Variants in PLCXD3 observed in about 807,000 individuals in gnomAD.
PLCXD3 encodes the protein PI-PLC X domain-containing protein 3.
A neutral mutation model predicts 25.5 loss-of-function variants in PLCXD3; 19 were observed. The ratio of observed to expected loss-of-function variants is 0.75; its 90% CI spans 0.52 to 1.09. PLCXD3 has a LOEUF of 1.09. PLCXD3 is among the 50% of genes least tolerant of loss of function. The probability of loss-of-function intolerance (pLI) is 0.00; values close to 1 mark genes in which losing one functional copy is unlikely to be tolerated. For missense variants in PLCXD3, 411 were observed against 388.1 expected (o/e 1.06, Z -0.50); for synonymous variants, 174 against 137.6 (o/e 1.26, Z -1.85).
intron 1 of PLCXD3, among the ~76,000 whole-genome samples, chr5:41,396,216 G>A (rs1306403879): frequency 6.6e-6 from 1 of 152,174 alleles, no homozygotes; most frequent in African/African-American, 2.4e-5. Context: ...AACTTGGTGG[G>A]AGGTGATTAG....
chr5:41,474,060 G>A (rs747648687), intron 1 of PLCXD3, among the ~76,000 whole-genome samples: 6 of 152,100 alleles, frequency 3.9e-5, no homozygotes, highest in Admixed American at 6.5e-5. Flanking sequence ...TGAGACCATC[G>A]TTACGAGACT....
At chr5:41,384,835 T>C (rs910058201) in intron 1 of PLCXD3, among the ~76,000 whole-genome samples, 8 of 152,008 alleles carry the variant, frequency 5.3e-5, no homozygotes, top group African/African-American at 1.9e-4. Context: ...AAAATAAAAA[T>C]AGGCAGAAGG....
rs1361914156 is a variant in PLCXD3 at position 41,382,441 on chromosome 5, C to T, written c.197G>A (p.Gly66Glu). The T allele has an allele frequency of 2.5e-6, 4 of 1,613,276 alleles. No homozygotes were observed. The highest frequency in any genetic ancestry group is 2.5e-6 in the Non-Finnish European group (3 of 1,179,706). Residue 66 changes from glycine (G) to glutamate (E), a missense_variant, in exon 2 of 3, where the codon GGA becomes GAA. Transcript: ENST00000377801. ...ETVQNFVSVF[G>E]TVAKKLMRKW... The stretch of plus-strand genomic sequence containing the variant: ...CCGCATGAGCTTTTTGGCCACAGTT[C>T]CAAACACAGAGACAAAATTCTGGAC...
chr5:41,450,908 G>GA (rs1220417923), intron 1 of PLCXD3, among the ~76,000 whole-genome samples: 1 of 151,958 alleles, frequency 6.6e-6, no homozygotes, highest in Non-Finnish European at 1.5e-5. Context: ...AATGGAAGCA[G>GA]AAAAAAAGGA....
At chr5:41,351,960 G>A (rs1744474798) in intron 2 of PLCXD3, among the ~76,000 whole-genome samples, 1 of 152,160 alleles carries the variant, frequency 6.6e-6, no homozygotes, top group Non-Finnish European at 1.5e-5. Context: ...TAATTGCAAT[G>A]TTCTGGCAAG....
intron 1 of PLCXD3, among the ~76,000 whole-genome samples, chr5:41,487,637 A>G (rs74953354): frequency 0.062 from 9,513 of 152,296 alleles, 336 homozygotes; most frequent in South Asian, 0.17. Flanking sequence ...AATGATAAAA[A>G]TGGAGTAGAC....
intron 1 of PLCXD3, among the ~76,000 whole-genome samples, chr5:41,412,162 C>T (rs1188425351): frequency 6.6e-6 from 1 of 151,846 alleles, no homozygotes; most frequent in Admixed American, 6.6e-5. Flanking sequence ...AAATCGTGGT[C>T]AAATTTATAC....
intron 2 of PLCXD3, among the ~76,000 whole-genome samples, chr5:41,333,104 A>G (rs1054169394): frequency 6.6e-6 from 1 of 151,842 alleles, no homozygotes. Context: ...TAATAATAAA[A>G]TAATATAAAA....
intron 1 of PLCXD3, among the ~76,000 whole-genome samples, chr5:41,428,642 T>C (rs1374148773): frequency 6.6e-6 from 1 of 152,088 alleles, no homozygotes; most frequent in Admixed American, 6.5e-5. Context: ...TGTTATTTTG[T>C]TATGGCAGCC....
intron 1 of PLCXD3, among the ~76,000 whole-genome samples, chr5:41,492,059 G>C (rs1333485534): frequency 6.6e-6 from 1 of 152,218 alleles, no homozygotes; most frequent in South Asian, 2.1e-4. Context: ...GCATGATTTT[G>C]CAGTGGCTGG....
At chr5:41,322,848 C>T (rs184076662) in intron 2 of PLCXD3, among the ~76,000 whole-genome samples, 26 of 152,130 alleles carry the variant, frequency 1.7e-4, no homozygotes, top group Non-Finnish European at 3.2e-4. Context: ...GTGATGTGCA[C>T]CTGTAGTCCC....
Position 41,460,943 on chromosome 5 carries a change from A to G in PLCXD3, c.103+49481T>C, listed in dbSNP as rs146660539. Reference sequence around the variant, plus strand: ...TTATAAATTATAACAAATTTGGTATAAGATTACATTTTTATATTTTAGAAA... The same window carrying G: ...TTATAAATTATAACAAATTTGGTATGAGATTACATTTTTATATTTTAGAAA... On this transcript the variant is annotated intron_variant, in intron 1 of 2. Transcript: ENST00000377801. Among the ~76,000 whole-genome samples, 674 of 152,096 alleles carry G rather than the reference A, an allele frequency of 4.4e-3. 9 individuals carry two copies. The highest frequency in any genetic ancestry group is 0.016 in the African/African-American group (644 of 41,528).
chr5:41,416,992 C>T (rs1746708395), intron 1 of PLCXD3, among the ~76,000 whole-genome samples: 1 of 152,046 alleles, frequency 6.6e-6, no homozygotes, highest in African/African-American at 2.4e-5. Flanking sequence ...ATTCATGGAC[C>T]AAGACAAGAA....
Position 41,312,679 on chromosome 5 carries a change from T to TC in PLCXD3, c.*937dup, listed in dbSNP as rs1743165239. The TC allele has an allele frequency of 9.2e-4, 91 of 99,314 alleles. No individual in the cohort carries two copies. Among genetic ancestry groups the TC allele is most frequent in the African/African-American group, 3.2e-3 (90 of 27,798 alleles). The allele number at this position is 99,314 out of a possible 1,614,324, so 6.2% of individuals were successfully genotyped here. The stretch of plus-strand genomic sequence containing the variant: ...CCCTCCCTTCCTCCCTCCCTTCCTT[T>TC]CTTCCTTTCCTTCCTTCCTTCCTTC... On this transcript the variant is annotated 3_prime_UTR_variant, in exon 3 of 3. Coordinates refer to ENST00000377801, the MANE Select transcript of PLCXD3 (RefSeq NM_001005473.3).
chr5:41,314,521 G>A lies in PLCXD3; in HGVS notation c.813-751C>T, dbSNP rs76462410. Among the ~76,000 whole-genome samples the A allele has an allele frequency of 6.1e-3, 933 of 152,332 alleles. 16 individuals are homozygous for A. The highest frequency in any genetic ancestry group is 0.022 in the African/African-American group (903 of 41,586). ...AAGAAAAGAAGATTAGGAATCTGCA[G>A]GTAGGGAGGAGAGATGCAGATTGCA... On this transcript the variant is annotated intron_variant, in intron 2 of 2. Coordinates refer to ENST00000377801, the MANE Select transcript of PLCXD3 (RefSeq NM_001005473.3).
chr5:41,459,259 T>A (rs146487293), intron 1 of PLCXD3, among the ~76,000 whole-genome samples: 1,801 of 151,996 alleles, frequency 0.012, 40 homozygotes, highest in African/African-American at 0.04. Flanking sequence ...TTCTTCCTAA[T>A]ATAAATGTCA....
intron 1 of PLCXD3, among the ~76,000 whole-genome samples, chr5:41,446,176 CAAAAAAAAA>C (rs70988847): frequency 2.9e-4 from 11 of 38,122 alleles, no homozygotes; most frequent in Non-Finnish European, 5.0e-4. Flanking sequence ...GACTCCTTCT[CAAAAAAAAA>C]AAAAAAAAAA....
chr5:41,329,151 T>C (rs1580302906), intron 2 of PLCXD3, among the ~76,000 whole-genome samples: 1 of 152,188 alleles, frequency 6.6e-6, no homozygotes, highest in East Asian at 1.9e-4. Context: ...TGTTTTGTTT[T>C]TCCAAAGATG....
At chr5:41,351,168 T>A (rs1744449596) in intron 2 of PLCXD3, among the ~76,000 whole-genome samples, 1 of 152,198 alleles carries the variant, frequency 6.6e-6, no homozygotes, top group South Asian at 2.1e-4. Flanking sequence ...TTTTTGGATT[T>A]CTTAGATATT....
Sources: allele counts gnomAD v4.1 joint callset (sites outside exome capture counted in the v4.1 genomes callset), GRCh38; gene constraint gnomAD v4.1.1; transcripts MANE v1.5; gene names NCBI Gene and HGNC (gene_info 2026-07-23, HGNC 2026-07-21).